WWOX: variants seen among roughly 807,000 people sequenced by gnomAD.
WWOX encodes the protein WW domain-containing oxidoreductase.
Under a neutral mutation model 46.2 loss-of-function variants are expected in WWOX, and 69 were observed. The observed-to-expected ratio is 1.49, with a 90% confidence interval of 1.23 to 1.82. The LOEUF (loss-of-function observed/expected upper bound fraction) is 1.82. Ranked by LOEUF, WWOX falls within the 40% of genes most tolerant of loss-of-function variation. WWOX has a pLI of 0.00. For missense variants in WWOX, 919 were observed against 542.6 expected (o/e 1.69, Z -6.89); for synonymous variants, 359 against 202.6 (o/e 1.77, Z -6.56).
chr16:78,314,461 C>A (rs1252950760), intron 5 of WWOX, among the ~76,000 whole-genome samples: 1 of 149,856 alleles, frequency 6.7e-6, no homozygotes, highest in Non-Finnish European at 1.5e-5. Flanking sequence ...CATTTATCCC[C>A]CTGCTGCCAG....
rs149577831 is a variant in WWOX, at chr16:78,784,678, G to T, written c.1056+351926G>T. Among the ~76,000 whole-genome samples, 4 of 152,298 alleles carry T rather than the reference G, an allele frequency of 2.6e-5. No individual in the cohort carries two copies. The East Asian group carries it at 7.7e-4, about 29-fold the overall frequency. On this transcript the variant is annotated intron_variant, in intron 8 of 8. Coordinates refer to ENST00000566780, the MANE Select transcript of WWOX (RefSeq NM_016373.4). ...GCTAGGCTCACAGTCAGTGTCAGTG[G>T]TTCCCAATGTTACTGTTTTAGCTGC...
intron 5 of WWOX, among the ~76,000 whole-genome samples, chr16:78,321,127 A>G (rs771360374): frequency 6.6e-5 from 10 of 152,124 alleles, no homozygotes; most frequent in South Asian, 2.1e-4. Flanking sequence ...AAAGTTGGGT[A>G]CATAAAATTT....
At chr16:79,032,405 G>A (rs974831813) in intron 8 of WWOX, among the ~76,000 whole-genome samples, 1 of 145,016 alleles carries the variant, frequency 6.9e-6, no homozygotes, top group Non-Finnish European at 1.5e-5. Flanking sequence ...TAATATGTAG[G>A]GAATATGTTA....
At chr16:78,697,910 G>A (rs1457722809) in intron 8 of WWOX, among the ~76,000 whole-genome samples, 1 of 152,148 alleles carries the variant, frequency 6.6e-6, no homozygotes, top group Non-Finnish European at 1.5e-5. Context: ...GTTTAGTAAT[G>A]TGCTTGAGGC....
intron 8 of WWOX, among the ~76,000 whole-genome samples, chr16:78,869,445 G>A (rs1180656230): frequency 1.3e-5 from 2 of 152,192 alleles, no homozygotes; most frequent in African/African-American, 4.8e-5. Flanking sequence ...ACCAACACAA[G>A]TTTATACGCA....
chr16:78,584,929 G>A (rs904364221), intron 8 of WWOX, among the ~76,000 whole-genome samples: 9 of 152,142 alleles, frequency 5.9e-5, no homozygotes, highest in African/African-American at 1.9e-4. Flanking sequence ...CTCCCGCCTC[G>A]GTCAAAGCAC....
intron 8 of WWOX, among the ~76,000 whole-genome samples, chr16:79,009,242 G>A (rs151030693): frequency 1.3e-5 from 2 of 152,300 alleles, no homozygotes; most frequent in East Asian, 1.9e-4. Flanking sequence ...TGTTACAAAC[G>A]GTTTGGGCAC....
At chr16:78,441,149 G>A (rs916231071) in intron 8 of WWOX, among the ~76,000 whole-genome samples, 1 of 151,810 alleles carries the variant, frequency 6.6e-6, no homozygotes, top group Non-Finnish European at 1.5e-5. Context: ...CAACATGTTG[G>A]CCAAGCTCGT....
chr16:78,646,012 T>C (rs555023526), intron 8 of WWOX, among the ~76,000 whole-genome samples: 22 of 152,244 alleles, frequency 1.4e-4, no homozygotes, highest in African/African-American at 5.3e-4. Flanking sequence ...CTTTGTCATC[T>C]TTTTAGGTTT....
intron 8 of WWOX, among the ~76,000 whole-genome samples, chr16:79,014,830 A>G (rs1158680520): frequency 1.3e-5 from 2 of 152,086 alleles, no homozygotes; most frequent in African/African-American, 4.8e-5. Flanking sequence ...TTCAACTTAT[A>G]TTTATCTGAT....
intron 5 of WWOX, among the ~76,000 whole-genome samples, chr16:78,204,756 G>A (rs989863790): frequency 6.6e-5 from 10 of 152,150 alleles, no homozygotes; most frequent in African/African-American, 1.2e-4. Flanking sequence ...CTGCGTGCTG[G>A]GATGAGAAAT....
intron 5 of WWOX, among the ~76,000 whole-genome samples, chr16:78,359,247 G>C (rs1325577965): frequency 6.6e-6 from 1 of 152,008 alleles, no homozygotes; most frequent in African/African-American, 2.4e-5. Context: ...AGAAGGCCTG[G>C]GTTTGCTTGG....
intron 8 of WWOX, among the ~76,000 whole-genome samples, chr16:78,892,477 G>T (rs1306913411): frequency 6.6e-6 from 1 of 152,168 alleles, no homozygotes; most frequent in Admixed American, 6.5e-5. Flanking sequence ...TTGGAACGGT[G>T]GTCATGGACA....
chr16:78,974,715 T>C (rs62036029), intron 8 of WWOX, among the ~76,000 whole-genome samples: 4,292 of 152,264 alleles, frequency 0.028, 104 homozygotes, highest in Non-Finnish European at 0.047. Context: ...GAGTTGCCAC[T>C]TTGCCAAACC....
chr16:79,132,791 T>C (rs1171723657), intron 8 of WWOX, among the ~76,000 whole-genome samples: 1 of 152,214 alleles, frequency 6.6e-6, no homozygotes, highest in African/African-American at 2.4e-5. Flanking sequence ...TGTACTGATG[T>C]CAATGACTTT....
chr16:78,747,279 C>G (rs935739778), intron 8 of WWOX, among the ~76,000 whole-genome samples: 1 of 150,986 alleles, frequency 6.6e-6, no homozygotes, highest in African/African-American at 2.4e-5. Context: ...GCAACCTCTG[C>G]CTCCCGGGTT....
At chr16:79,001,537 C>A (rs1037591215) in intron 8 of WWOX, among the ~76,000 whole-genome samples, 3 of 152,046 alleles carry the variant, frequency 2.0e-5, no homozygotes, top group African/African-American at 7.2e-5. Flanking sequence ...ACATTTTGCC[C>A]ATAGAGATTA....
intron 8 of WWOX, among the ~76,000 whole-genome samples, chr16:78,742,875 G>A (rs974700262): frequency 4.6e-5 from 7 of 152,174 alleles, no homozygotes; most frequent in African/African-American, 1.4e-4. Context: ...GGGCTTCCCA[G>A]TGTAGGGTCT....
At chr16:79,020,337 G>C (rs1400874844) in intron 8 of WWOX, among the ~76,000 whole-genome samples, 2 of 152,138 alleles carry the variant, frequency 1.3e-5, no homozygotes, top group African/African-American at 4.8e-5. Context: ...CAAAACTATG[G>C]AGTCTTAAGT....
Sources: gnomAD v4.1 joint callset for allele counts (sites outside exome capture counted in the v4.1 genomes callset) on GRCh38, gnomAD v4.1.1 for gene constraint, MANE v1.5 for transcripts, NCBI Gene and HGNC (gene_info 2026-07-23, HGNC 2026-07-21) for gene names.